TPTE2: variants seen among roughly 807,000 people sequenced by gnomAD.
TPTE2 encodes the protein transmembrane phosphoinositide 3-phosphatase and tensin homolog 2.
In TPTE2, 53 loss-of-function variants were observed where a neutral mutation model predicts 78.6. The ratio of observed to expected loss-of-function variants is 0.67; its 90% CI spans 0.54 to 0.85. TPTE2 has a LOEUF of 0.85. TPTE2 is among the 40% of genes least tolerant of loss of function. The pLI is 0.00. For missense variants in TPTE2, 461 were observed against 623.0 expected (o/e 0.74, Z 2.77); for synonymous variants, 175 against 206.2 (o/e 0.85, Z 1.30).
chr13:19,545,521 A>G, the TPTE2 span, among the ~76,000 whole-genome samples: 16 of 152,312 alleles, frequency 1.1e-4, no homozygotes, highest in African/African-American at 3.1e-4. Context: ...CCTCACCCCA[A>G]TCCTTTTCCC....
chr13:19,451,248 T>C, intron 10 of TPTE2, 23 bp from the exon 14 acceptor site: 1 of 1,612,848 alleles, frequency 6.2e-7, no homozygotes, highest in African/African-American at 1.3e-5. Flanking sequence ...AACACATATC[T>C]TACATATTTA....
At chr13:19,561,354 A>AGGCC in the TPTE2 span, 1 of 554,256 alleles carries the variant, frequency 1.8e-6, no homozygotes, top group Non-Finnish European at 3.1e-6. Flanking sequence ...ACCGGCCTGC[A>AGGCC]GGTCCACTCT....
chr13:19,435,792 AC>A (rs1325716612), intron 15 of TPTE2, among the ~76,000 whole-genome samples: 1 of 122,414 alleles, frequency 8.2e-6, no homozygotes, highest in African/African-American at 2.6e-5. Context: ...ACACACACAC[AC>A]CAGGAGTCAT....
At chr13:19,508,564 A>T (rs1869224457) in intron 1 of TPTE2, among the ~76,000 whole-genome samples, 1 of 152,172 alleles carries the variant, frequency 6.6e-6, no homozygotes, top group South Asian at 2.1e-4. Context: ...GTTTGGATAC[A>T]TGTGAAAAGC....
chr13:19,556,592 T>G, the TPTE2 span, among the ~76,000 whole-genome samples: 6 of 152,142 alleles, frequency 3.9e-5, no homozygotes, highest in African/African-American at 1.4e-4. Flanking sequence ...TATGGCATAA[T>G]CGTGGCTCAC....
intron 1 of TPTE2, among the ~76,000 whole-genome samples, chr13:19,509,778 A>C (rs1869308533): frequency 6.6e-6 from 1 of 152,210 alleles, no homozygotes; most frequent in Non-Finnish European, 1.5e-5. Flanking sequence ...CATAAGTATC[A>C]ATGGAGCAAA....
chr13:19,548,685 A>G, the TPTE2 span, among the ~76,000 whole-genome samples: 22 of 151,434 alleles, frequency 1.5e-4, no homozygotes, highest in African/African-American at 5.3e-4. Flanking sequence ...TTGGACCCCC[A>G]CCTTTGACCA....
rs550006691 is a variant in TPTE2 at position 19,466,923 on chromosome 13, G to A, written c.512+302C>T. The stretch of plus-strand genomic sequence containing the variant: ...CAAAAAATGATACAAATGGGAATTC[G>A]ATGAGAACTTCAAAATGTAGAGAAG... On this transcript the variant is annotated intron_variant, in intron 7 of 19. Coordinates refer to ENST00000400230, the Ensembl canonical transcript of TPTE2. Among the ~76,000 whole-genome samples the A allele has an allele frequency of 6.6e-5, 10 of 152,238 alleles. No individual in the cohort carries two copies. In the South Asian group the frequency reaches 8.3e-4, roughly 13 times the overall value.
the TPTE2 span, among the ~76,000 whole-genome samples, chr13:19,558,678 C>T: frequency 6.6e-6 from 1 of 152,208 alleles, no homozygotes; most frequent in Non-Finnish European, 1.5e-5. Context: ...AACAATCTTA[C>T]ATTTCCCCTT....
chr13:19,523,661 A>G (rs1420385585), intron 1 of TPTE2, among the ~76,000 whole-genome samples: 2 of 152,054 alleles, frequency 1.3e-5, no homozygotes, highest in East Asian at 3.9e-4. Flanking sequence ...TTTTTAGTAG[A>G]GACGGGGTTT....
intron 3 of TPTE2, among the ~76,000 whole-genome samples, chr13:19,483,445 C>T (rs977716222): frequency 1.3e-5 from 2 of 152,088 alleles, no homozygotes; most frequent in Admixed American, 1.3e-4. Context: ...TGTAGAGTTG[C>T]TCATAATAGT....
intron 3 of TPTE2, 50 bp from the exon 7 acceptor site, chr13:19,482,597 C>T: frequency 6.3e-7 from 1 of 1,595,600 alleles, no homozygotes; most frequent in African/African-American, 1.3e-5. Context: ...ATATTTGCTA[C>T]ACAAAATAGT....
At chr13:19,550,303 G>T in the TPTE2 span, among the ~76,000 whole-genome samples, 1 of 152,064 alleles carries the variant, frequency 6.6e-6, no homozygotes, top group Non-Finnish European at 1.5e-5. Flanking sequence ...GATAAATTCC[G>T]TTGGAGTTTG....
intron 1 of TPTE2, 173 bp from the exon 5 acceptor site, chr13:19,493,674 A>T: frequency 1.4e-6 from 1 of 691,576 alleles, no homozygotes; most frequent in Non-Finnish European, 2.6e-6. Flanking sequence ...ATGAGGATGT[A>T]TATGACGACA....
At chr13:19,480,148 A>G (rs2137607148) in intron 4 of TPTE2, among the ~76,000 whole-genome samples, 1 of 152,270 alleles carries the variant, frequency 6.6e-6, no homozygotes, top group South Asian at 2.1e-4. Flanking sequence ...TGGGATTTGT[A>G]TTGAAGGCAG....
intron 4 of TPTE2, among the ~76,000 whole-genome samples, chr13:19,478,256 A>C (rs961271035): frequency 6.6e-6 from 1 of 152,040 alleles, no homozygotes; most frequent in Non-Finnish European, 1.5e-5. Context: ...TTTGCAATCT[A>C]CTCATCTGAC....
intron 1 of TPTE2, among the ~76,000 whole-genome samples, chr13:19,517,824 C>G (rs954915698): frequency 1.3e-5 from 2 of 152,090 alleles, no homozygotes; most frequent in Non-Finnish European, 2.9e-5. Flanking sequence ...GCCATACATA[C>G]AGATACTCAT....
chr13:19,445,047 T>C (rs527470674), intron 13 of TPTE2, among the ~76,000 whole-genome samples: 1 of 152,178 alleles, frequency 6.6e-6, no homozygotes, highest in Non-Finnish European at 1.5e-5. Context: ...AAGGAAAATT[T>C]TCTTAATCAG....
At chr13:19,527,031 C>T (rs1430467795) in intron 1 of TPTE2, among the ~76,000 whole-genome samples, 1 of 152,058 alleles carries the variant, frequency 6.6e-6, no homozygotes, top group African/African-American at 2.4e-5. Context: ...AAAGGCCGGG[C>T]GTGGTGGCTC....
Sources: allele counts gnomAD v4.1 joint callset (sites outside exome capture counted in the v4.1 genomes callset), GRCh38; gene constraint gnomAD v4.1.1; transcripts MANE v1.5; gene names NCBI Gene and HGNC (gene_info 2026-07-23, HGNC 2026-07-21).